The following RXRA variants were observed in gnomAD, a reference collection of about 807,000 sequenced individuals.
The protein encoded by RXRA is retinoid X receptor alpha, also known as retinoic acid receptor RXR-alpha.
RXRA carries 5 observed loss-of-function variants against 44.5 expected under a neutral mutation model. That is an observed-to-expected ratio of 0.11 (90% CI 0.06 to 0.24). The LOEUF (loss-of-function observed/expected upper bound fraction) is 0.24. Among genes scored for constraint, RXRA ranks in the 10% least tolerant of loss-of-function variants. The pLI is 1.00. For synonymous variants in RXRA, 291 were observed against 271.4 expected (o/e 1.07, Z -0.71); for missense variants, 412 against 646.5 (o/e 0.64, Z 3.93).
intron 1 of RXRA, among the ~76,000 whole-genome samples, chr9:134,363,996 G>C (rs1830384745): frequency 6.6e-6 from 1 of 152,194 alleles, no homozygotes; most frequent in Non-Finnish European, 1.5e-5. Flanking sequence ...TCCGTGCCGG[G>C]CTTCTCCTCT....
In RXRA at chr9:134,340,773, T is replaced by C. The variant is rs568017773; in HGVS notation, c.28+14114T>C. Among the ~76,000 whole-genome samples the C allele has an allele frequency of 2.6e-5, 4 of 152,086 alleles. No individual in the cohort carries two copies. The East Asian group carries it at 5.8e-4, about 22-fold the overall frequency. On this transcript the variant is annotated intron_variant, in intron 1 of 9. Coordinates refer to ENST00000481739, the MANE Select transcript of RXRA (RefSeq NM_002957.6). ...GTCCTCCCTGGCCCTCTAGCTGGGG[T>C]GTCTCAGCTCCGGGAGCAAGGAGCC... is the stretch of plus-strand genomic sequence containing the variant.
chr9:134,347,839 A>T (rs561211888), intron 1 of RXRA, among the ~76,000 whole-genome samples: 1 of 152,290 alleles, frequency 6.6e-6, no homozygotes, highest in South Asian at 2.1e-4. Context: ...TGACAGAGCC[A>T]GGCAGGACAT....
At chr9:134,363,822 G>A (rs1405449742) in intron 1 of RXRA, among the ~76,000 whole-genome samples, 1 of 152,220 alleles carries the variant, frequency 6.6e-6, no homozygotes, top group Non-Finnish European at 1.5e-5. Flanking sequence ...CCCGGGGCCG[G>A]AGGCGTGACG....
intron 4 of RXRA, among the ~76,000 whole-genome samples, chr9:134,411,853 C>T (rs1483591598): frequency 6.6e-6 from 1 of 152,202 alleles, no homozygotes; most frequent in Non-Finnish European, 1.5e-5. Context: ...TCTCTTGCCT[C>T]CCCCAGCCTG....
At chr9:134,376,367 C>T (rs1830557446) in intron 1 of RXRA, among the ~76,000 whole-genome samples, 2 of 152,208 alleles carry the variant, frequency 1.3e-5, no homozygotes, top group Admixed American at 6.5e-5. Flanking sequence ...CTGTGTGCCC[C>T]ATCCACACTG....
chr9:134,347,226 A>AG (rs1830163880), intron 1 of RXRA, among the ~76,000 whole-genome samples: 1 of 152,184 alleles, frequency 6.6e-6, no homozygotes, highest in African/African-American at 2.4e-5. Context: ...AGCCATAAGG[A>AG]GAGCAGGTAG....
At chr9:134,400,108 C>T (rs557540487) in intron 1 of RXRA, among the ~76,000 whole-genome samples, 94 of 152,294 alleles carry the variant, frequency 6.2e-4, no homozygotes, top group Admixed American at 1.3e-3. Context: ...AGGAGTGGCC[C>T]GAGTTTCCAC....
chr9:134,401,237 TC>T (rs1375025429), intron 1 of RXRA, among the ~76,000 whole-genome samples: 1 of 152,154 alleles, frequency 6.6e-6, no homozygotes, highest in Non-Finnish European at 1.5e-5. Flanking sequence ...TCACCTTGAG[TC>T]CCTGTGGAGA....
At chr9:134,388,318 C>T (rs1046721628) in intron 1 of RXRA, among the ~76,000 whole-genome samples, 1 of 40,392 alleles carries the variant, frequency 2.5e-5, no homozygotes, top group Non-Finnish European at 4.7e-5. Context: ...TTTGCGTGCA[C>T]AGGCACACGT....
chr9:134,367,628 G>T (rs1237846910), intron 1 of RXRA, among the ~76,000 whole-genome samples: 2 of 152,250 alleles, frequency 1.3e-5, no homozygotes, highest in Admixed American at 1.3e-4. Flanking sequence ...GCCGGCTGGG[G>T]AGTGTGGGGT....
At chr9:134,411,268 C>A (rs1398513191) in intron 4 of RXRA, among the ~76,000 whole-genome samples, 1 of 152,192 alleles carries the variant, frequency 6.6e-6, no homozygotes, top group Non-Finnish European at 1.5e-5. Context: ...CCTGGGCCCC[C>A]CAAAGCCTGG....
In RXRA at chr9:134,429,132, CCTT is replaced by C; in HGVS notation, c.938_940del (p.Phe313del). ...GGCTGGAATGAGCTGCTCATCGCCT[CCTT>C]CTCCCACCGCTCCATCGCCGTGAAG... On this transcript the variant is annotated inframe_deletion, in exon 7 of 10. Coordinates refer to ENST00000481739, the MANE Select transcript of RXRA (RefSeq NM_002957.6). 1 of 1,613,086 alleles carries C rather than the reference CCTT, an allele frequency of 6.2e-7. No homozygotes were observed. Among genetic ancestry groups the C allele is most frequent in the Non-Finnish European group, 8.5e-7 (1 of 1,179,992 alleles).
rs553531425 is a variant in RXRA at position 134,407,849 on chromosome 9, G to C, written c.280-300G>C. ...CATTTAGGTGGGCAGCGGGCAGGGG[G>C]TTGCAAGCAGGGACCGCCCATGTGT... On this transcript the variant is annotated intron_variant, in intron 2 of 9. Transcript: ENST00000481739. This position sits in a 1 kb window ranked among gnomAD's most constrained non-coding sequence, Gnocchi z 4.8. Among the ~76,000 whole-genome samples, 5 of 152,192 alleles carry C rather than the reference G, an allele frequency of 3.3e-5. No individual in the cohort carries two copies. The highest frequency in any genetic ancestry group is 1.2e-4 in the African/African-American group (5 of 41,544).
intron 1 of RXRA, among the ~76,000 whole-genome samples, chr9:134,350,381 A>G (rs1830206948): frequency 6.6e-6 from 1 of 152,286 alleles, no homozygotes; most frequent in Admixed American, 6.5e-5. Flanking sequence ...TGTAAGGGGC[A>G]TGGCTGTCCT....
intron 1 of RXRA, among the ~76,000 whole-genome samples, chr9:134,351,527 A>T (rs782773572): frequency 5.9e-5 from 9 of 152,262 alleles, no homozygotes; most frequent in Non-Finnish European, 1.2e-4. Flanking sequence ...CAGGAAACGC[A>T]ATCCCTTCCC....
chr9:134,351,905 A>G (rs1276545310), intron 1 of RXRA, among the ~76,000 whole-genome samples: 5 of 152,210 alleles, frequency 3.3e-5, no homozygotes, highest in African/African-American at 4.8e-5. Flanking sequence ...GTGTTGGGTC[A>G]GATGGGTGCT....
intron 1 of RXRA, among the ~76,000 whole-genome samples, chr9:134,382,718 T>C (rs1830664111): frequency 6.6e-6 from 1 of 151,960 alleles, no homozygotes; most frequent in Non-Finnish European, 1.5e-5. Flanking sequence ...CAGCTAACTA[T>C]GTAACAGCCG....
chr9:134,329,750 G>A (rs544569967), intron 1 of RXRA, among the ~76,000 whole-genome samples: 36 of 152,330 alleles, frequency 2.4e-4, no homozygotes, highest in Admixed American at 2.4e-3. Context: ...CCACCAGGAG[G>A]CCCCTCTGAC....
chr9:134,387,457 C>T (rs1019182205), intron 1 of RXRA, among the ~76,000 whole-genome samples: 6 of 152,228 alleles, frequency 3.9e-5, no homozygotes, highest in East Asian at 1.9e-4. Flanking sequence ...AAGCCTGGAC[C>T]ATCTCGATTT....
Sources: allele counts gnomAD v4.1 joint callset (sites outside exome capture counted in the v4.1 genomes callset), GRCh38; gene constraint gnomAD v4.1.1; non-coding constraint Gnocchi (gnomAD v3.1); transcripts MANE v1.5; gene names NCBI Gene and HGNC (gene_info 2026-07-23, HGNC 2026-07-21).